RYR2: variants seen among roughly 807,000 people sequenced by gnomAD.
The protein encoded by RYR2 is cardiac muscle ryanodine receptor-calcium release channel.
A neutral mutation model predicts 601.1 loss-of-function variants in RYR2; 227 were observed. That is an observed-to-expected ratio of 0.38 (90% CI 0.34 to 0.42). The LOEUF (loss-of-function observed/expected upper bound fraction) is 0.42, where lower values mean the gene tolerates loss of function less well. Ranked by LOEUF, RYR2 falls within the 10% of genes least tolerant of loss-of-function variation. The pLI is 1.00. For synonymous variants in RYR2, 2,223 were observed against 2,175.1 expected, an observed-to-expected ratio of 1.02 and a Z score of -0.61; for missense variants, 4,646 against 6,156.5, an observed-to-expected ratio of 0.75 and a Z score of 8.21.
At position 237,456,749 on chromosome 1, in the gene RYR2, T is replaced by C. The variant is rs2045955; in HGVS notation, c.1612+14T>C. The C allele has an allele frequency of 0.55, 888,603 of 1,611,822 alleles. 249,649 individuals carry two copies. The highest frequency in any genetic ancestry group is 0.82 in the East Asian group (36,900 of 44,824). Reference sequence around the variant, plus strand: ...ATGAGTTGCTGGGTAAGAAGCATGATTGGGTTCATAGCAACAGAGTTATCT... The same window carrying C: ...ATGAGTTGCTGGGTAAGAAGCATGACTGGGTTCATAGCAACAGAGTTATCT... On this transcript the variant is annotated intron_variant, in intron 16 of 104. Coordinates refer to ENST00000366574, the MANE Select transcript of RYR2 (RefSeq NM_001035.3).
intron 1 of RYR2, among the ~76,000 whole-genome samples, chr1:237,123,650 ATTTTTTTTTTTTTTTT>A (rs869177997): frequency 1.3e-5 from 1 of 78,928 alleles, no homozygotes; most frequent in Admixed American, 1.8e-4. Context: ...ATCAGTCACT[ATTTTTTTTTTTTTTTT>A]TTTTTTTTTT....
chr1:237,159,114 GA>G lies in RYR2; in HGVS notation c.49-111380del, dbSNP rs1425477564. Among the ~76,000 whole-genome samples, 4 of 152,048 alleles carry G rather than the reference GA, an allele frequency of 2.6e-5. 1 individual carries two copies. The highest frequency in any genetic ancestry group is 9.7e-5 in the African/African-American group (4 of 41,386). ...TGGAGACTAGCCTGACCAACATGAA[GA>G]AACCTGTCTCTACTAAAAATACAAA... On this transcript the variant is annotated intron_variant, in intron 1 of 104. Transcript: ENST00000366574.
intron 1 of RYR2, among the ~76,000 whole-genome samples, chr1:237,048,602 A>G (rs1011985048): frequency 2.0e-5 from 3 of 152,206 alleles, no homozygotes; most frequent in Middle Eastern, 3.4e-3. Context: ...TTTTCATCCT[A>G]CACAGAGTTT....
intron 3 of RYR2, among the ~76,000 whole-genome samples, chr1:237,339,581 C>G (rs1697571263): frequency 6.6e-6 from 1 of 152,068 alleles, no homozygotes. Flanking sequence ...GAATCATATA[C>G]TGTCTTGTCA....
chr1:237,371,682 T>C (rs12032009), intron 6 of RYR2, among the ~76,000 whole-genome samples: 47,392 of 152,040 alleles, frequency 0.31, 8,892 homozygotes, highest in Middle Eastern at 0.45. Context: ...ATTAAGAAAA[T>C]GTGGCACATA....
intron 34 of RYR2, among the ~76,000 whole-genome samples, chr1:237,598,076 A>G (rs1246438940): frequency 1.3e-5 from 2 of 152,250 alleles, no homozygotes; most frequent in African/African-American, 4.8e-5. Flanking sequence ...AAAAAGAGTC[A>G]AAGAAGGTCA....
At chr1:237,221,115 AAACAAC>A (rs890012445) in intron 1 of RYR2, among the ~76,000 whole-genome samples, 9 of 151,954 alleles carry the variant, frequency 5.9e-5, no homozygotes, top group Non-Finnish European at 1.0e-4. Context: ...CCCCAAAACA[AAACAAC>A]AACAACAACA....
intron 2 of RYR2, among the ~76,000 whole-genome samples, chr1:237,321,642 CA>C: frequency 6.6e-6 from 1 of 152,150 alleles, no homozygotes; most frequent in South Asian, 2.1e-4. Flanking sequence ...GAGGGAACCT[CA>C]AATCCTCTTC....
At chr1:237,625,048 A>G (rs1280406429) in intron 39 of RYR2, among the ~76,000 whole-genome samples, 1 of 150,108 alleles carries the variant, frequency 6.7e-6, no homozygotes, top group Non-Finnish European at 1.5e-5. Context: ...GTGTGTATAT[A>G]TATATTTTTT....
intron 10 of RYR2, among the ~76,000 whole-genome samples, chr1:237,402,120 G>A (rs1703396596): frequency 6.6e-6 from 1 of 152,142 alleles, no homozygotes; most frequent in Non-Finnish European, 1.5e-5. Flanking sequence ...ATTATCTGGT[G>A]GGGTACAGTG....
At chr1:237,224,729 A>G (rs935784579) in intron 1 of RYR2, among the ~76,000 whole-genome samples, 8 of 152,134 alleles carry the variant, frequency 5.3e-5, no homozygotes, top group Non-Finnish European at 8.8e-5. Context: ...GTGTGGTGAT[A>G]CACACCTATA....
intron 1 of RYR2, among the ~76,000 whole-genome samples, chr1:237,189,738 G>A (rs1001895308): frequency 7.9e-5 from 12 of 152,196 alleles, no homozygotes; most frequent in African/African-American, 2.9e-4. Flanking sequence ...AAATAAATGT[G>A]TGTTGTGTGT....
In RYR2 at chr1:237,402,884, C is replaced by T. The variant is rs1420791091; in HGVS notation, c.774-14165C>T. On this transcript the variant is annotated intron_variant, in intron 10 of 104. Coordinates refer to ENST00000366574, the MANE Select transcript of RYR2 (RefSeq NM_001035.3). ...GCAGCCTCGATGTCCTGGCCTCAAA[C>T]CATCCCCCTGCTTCAGCCTCCTGTC... is the stretch of plus-strand genomic sequence containing the variant. Among the ~76,000 whole-genome samples the T allele has an allele frequency of 3.9e-5, 6 of 152,282 alleles. No homozygotes were observed. In the South Asian group the frequency reaches 1.0e-3, roughly 26 times the overall value.
intron 87 of RYR2, among the ~76,000 whole-genome samples, chr1:237,778,333 C>T (rs1008009646): frequency 6.7e-6 from 1 of 149,756 alleles, no homozygotes; most frequent in Non-Finnish European, 1.5e-5. Flanking sequence ...ATTGATTTGA[C>T]TAAATAGCCA....
intron 27 of RYR2, among the ~76,000 whole-genome samples, chr1:237,565,938 T>C (rs1008912959): frequency 4.6e-5 from 7 of 152,120 alleles, no homozygotes; most frequent in South Asian, 4.2e-4. Context: ...TTTTTATTTT[T>C]CCCCCAGATC....
intron 71 of RYR2, 115 bp from the exon 72 acceptor site, chr1:237,717,083 A>G: frequency 1.1e-6 from 1 of 906,554 alleles, no homozygotes; most frequent in African/African-American, 1.7e-5. Flanking sequence ...GGATTTTCAA[A>G]ACTAGGGAGC....
Position 237,759,943 on chromosome 1 carries a change from A to G in RYR2, c.11402+91A>G, listed in dbSNP as rs3817436. The G allele has an allele frequency of 0.1, 80,845 of 789,722 alleles. 4,323 individuals are homozygous for G. Among genetic ancestry groups the G allele is most frequent in the Non-Finnish European group, 0.11 (51,919 of 457,418 alleles). The allele number at this position is 789,722 out of a possible 1,614,324, so 48.9% of individuals were successfully genotyped here. A position where few individuals can be genotyped will look rare whatever the true frequency, so the allele number is the denominator to read the frequency against. ...TTACTCTGACGATAATTGCACATAG[A>G]AGAATAGTTAATGATTAACAACACT... On this transcript the variant is annotated intron_variant, in intron 83 of 104. Transcript: ENST00000366574.
intron 85 of RYR2, 97 bp downstream of exon 85, chr1:237,770,984 T>C: frequency 1.5e-6 from 1 of 652,008 alleles, no homozygotes; most frequent in South Asian, 2.3e-5. Flanking sequence ...TATGCATCGT[T>C]CTAGAGACAA....
intron 1 of RYR2, among the ~76,000 whole-genome samples, chr1:237,222,532 C>A (rs1207831910): frequency 6.6e-6 from 1 of 152,028 alleles, no homozygotes; most frequent in Non-Finnish European, 1.5e-5. Flanking sequence ...CCTATTTGAC[C>A]AGCCAGAATC....
Sources: allele counts gnomAD v4.1 joint callset (sites outside exome capture counted in the v4.1 genomes callset), GRCh38; gene constraint gnomAD v4.1.1; transcripts MANE v1.5; gene names NCBI Gene and HGNC (gene_info 2026-07-23, HGNC 2026-07-21).